Variants in GCG observed in about 807,000 individuals in gnomAD.
The protein encoded by GCG is pro-glucagon.
In GCG, 11 loss-of-function variants were observed where a neutral mutation model predicts 22.8. The ratio of observed to expected loss-of-function variants is 0.48; its 90% CI spans 0.30 to 0.80. The LOEUF (loss-of-function observed/expected upper bound fraction) is 0.80, where lower values mean the gene tolerates loss of function less well. Ranked by LOEUF, GCG falls within the 30% of genes least tolerant of loss-of-function variation. The pLI, the probability that GCG is intolerant of heterozygous loss-of-function variation, is 0.06. For synonymous variants in GCG, 89 were observed against 72.4 expected, an observed-to-expected ratio of 1.23 and a Z score of -1.16; for missense variants, 222 against 222.0, an observed-to-expected ratio of 1.00 and a Z score of 0.00.
chr2:162,143,295 C>T lies in GCG; in HGVS notation c.*69G>A. Reference sequence around the variant, plus strand: ...GAATACACCTCTTAAATTTACAGGACTTAACATTTCAAACATCCCACGTGG... The same window carrying T: ...GAATACACCTCTTAAATTTACAGGATTTAACATTTCAAACATCCCACGTGG... On this transcript the variant is annotated 3_prime_UTR_variant, in exon 6 of 6. Transcript: ENST00000418842. The T allele has an allele frequency of 1.2e-6, 1 of 804,574 alleles. No individual in the cohort carries two copies. The highest frequency in any genetic ancestry group is 1.9e-6 in the Non-Finnish European group (1 of 517,578). 49.8% of individuals were successfully genotyped at this position (804,574 alleles called of 1,614,324 possible).
chr2:162,149,353 G>A (rs562543900), intron 1 of GCG, among the ~76,000 whole-genome samples, 166 bp from the exon 2 acceptor site: 2 of 152,144 alleles, frequency 1.3e-5, no homozygotes, highest in African/African-American at 2.4e-5. Flanking sequence ...TTTAAATAGT[G>A]GGTTATATTA....
At chr2:162,147,229 C>T (rs1686710695) in intron 3 of GCG, 124 bp downstream of exon 3, 2 of 769,052 alleles carry the variant, frequency 2.6e-6, no homozygotes. Context: ...CCCTAAACAT[C>T]TTCAAAATGA....
intron 4 of GCG, chr2:162,144,405 C>T (rs2106194563): frequency 4.1e-6 from 2 of 488,744 alleles, no homozygotes; most frequent in East Asian, 3.4e-5. Context: ...ATGCCCTTTT[C>T]AATCTTCTAG....
intron 2 of GCG, 140 bp from the exon 3 acceptor site, chr2:162,147,654 G>T: frequency 1.3e-6 from 1 of 798,348 alleles, no homozygotes; most frequent in Admixed American, 1.7e-5. Context: ...AGTTTAGAAA[G>T]ATCTTCCTTA....
At chr2:162,145,416 A>T in intron 4 of GCG, 124 bp downstream of exon 4, 1 of 823,114 alleles carries the variant, frequency 1.2e-6, no homozygotes, top group South Asian at 2.3e-5. Flanking sequence ...CATCAATAGG[A>T]ATTATTTCCT....
At chr2:162,151,168 G>A (rs186381839) in intron 1 of GCG, among the ~76,000 whole-genome samples, 1 of 151,978 alleles carries the variant, frequency 6.6e-6, no homozygotes, top group Admixed American at 6.6e-5. Context: ...AGTTTTGTAA[G>A]AACTACAAAT....
At chr2:162,150,142 T>C (rs1686796851) in intron 1 of GCG, among the ~76,000 whole-genome samples, 1 of 152,140 alleles carries the variant, frequency 6.6e-6, no homozygotes, top group Non-Finnish European at 1.5e-5. Flanking sequence ...TGGGACAGAA[T>C]GTCCCCACAG....
intron 4 of GCG, chr2:162,145,182 C>T: frequency 6.0e-6 from 1 of 167,638 alleles, no homozygotes; most frequent in Non-Finnish European, 1.3e-5. Flanking sequence ...ACTGTTTCTT[C>T]TTTTTCCTTA....
intron 1 of GCG, among the ~76,000 whole-genome samples, chr2:162,151,762 T>C (rs1686843187): frequency 6.6e-6 from 1 of 152,176 alleles, no homozygotes; most frequent in African/African-American, 2.4e-5. Context: ...AATGGACACA[T>C]TTCTGCTTAC....
chr2:162,149,484 T>G (rs1009304183), intron 1 of GCG, among the ~76,000 whole-genome samples: 1 of 152,142 alleles, frequency 6.6e-6, no homozygotes, highest in Non-Finnish European at 1.5e-5. Flanking sequence ...AGACTGGAAA[T>G]TAAAATGTCC....
rs11552330 is a variant in GCG, at chr2:162,147,451, G to A, written c.156C>T (p.Arg52=). ...SDPDQMNEDK[R]HSQGTFTSDY... is the part of the protein sequence containing the mutation. ...CACTGGTGAATGTGCCCTGTGAATGGCGCTTGTCCTCGTTCATCTGATCAG... is the reference window on the plus strand; with the variant it reads ...CACTGGTGAATGTGCCCTGTGAATGACGCTTGTCCTCGTTCATCTGATCAG... The change falls in exon 3 of 6, where the codon CGC becomes CGT. Residue 52 remains arginine (R), a synonymous_variant. Transcript: ENST00000418842. 1.2e-6 allele frequency: 2 copies of A among 1,613,198 alleles called. No individual in the cohort carries two copies. Among genetic ancestry groups the A allele is most frequent in the East Asian group, 2.2e-5 (1 of 44,868 alleles).
intron 1 of GCG, among the ~76,000 whole-genome samples, 177 bp downstream of exon 1, chr2:162,151,981 A>G (rs374324862): frequency 6.6e-6 from 1 of 152,114 alleles, no homozygotes; most frequent in African/African-American, 2.4e-5. Context: ...CGGCTTCGCT[A>G]TATTAAAGTA....
At position 162,147,417 on chromosome 2, in the gene GCG, T is replaced by TG; in HGVS notation, c.189dup (p.Lys64GlnfsTer24). 1.9e-6 allele frequency: 3 copies of TG among 1,612,856 alleles called. No homozygotes were observed. Among genetic ancestry groups the TG allele is most frequent in the Non-Finnish European group, 2.5e-6 (3 of 1,179,010 alleles). On this transcript the variant is annotated frameshift_variant, in exon 3 of 6. Coordinates refer to ENST00000418842, the MANE Select transcript of GCG (RefSeq NM_002054.5). LOFTEE classifies it high-confidence loss of function. The stretch of plus-strand genomic sequence containing the variant: ...TGGGCACGCCTGGAGTCCAGATACT[T>TG]GCTGTAGTCACTGGTGAATGTGCCC...
chr2:162,147,258 A>G, intron 3 of GCG, 95 bp downstream of exon 3: 1 of 911,148 alleles, frequency 1.1e-6, no homozygotes, highest in Non-Finnish European at 1.7e-6. Flanking sequence ...TATGGGCACT[A>G]TTTGACGAGC....
In GCG at chr2:162,143,021, T is replaced by C. The variant is rs922171542; in HGVS notation, c.*343A>G. The C allele has an allele frequency of 5.4e-6, 1 of 186,726 alleles. No individual in the cohort carries two copies. The highest frequency in any genetic ancestry group is 1.1e-5 in the Non-Finnish European group (1 of 91,270). The allele number at this position is 186,726 out of a possible 1,614,324, so 11.6% of individuals were successfully genotyped here. A position where few individuals can be genotyped will look rare whatever the true frequency, so the allele number is the denominator to read the frequency against. ...TTCTTCTATTCTCCTATTATTATAA[T>C]GCAGATATGTCAGATCGGAATAATT... is the stretch of plus-strand genomic sequence containing the variant. On this transcript the variant is annotated 3_prime_UTR_variant, in exon 6 of 6. Transcript: ENST00000418842.
In GCG at chr2:162,143,246, G is replaced by T; in HGVS notation, c.*118C>A. ...AACACTAAAAGAAAATTTATTTATT[G>T]GCATGCAAAGCAATGTGGCCTCAGA... is the stretch of plus-strand genomic sequence containing the variant. On this transcript the variant is annotated 3_prime_UTR_variant, in exon 6 of 6. Coordinates refer to ENST00000418842, the MANE Select transcript of GCG (RefSeq NM_002054.5). The T allele has an allele frequency of 2.2e-6, 1 of 446,590 alleles. No individual in the cohort carries two copies. Among genetic ancestry groups the T allele is most frequent in the South Asian group, 8.5e-5 (1 of 11,818 alleles). The allele number at this position is 446,590 out of a possible 1,614,324, so 27.7% of individuals were successfully genotyped here.
chr2:162,150,727 T>C (rs1686812689), intron 1 of GCG, among the ~76,000 whole-genome samples: 2 of 152,112 alleles, frequency 1.3e-5, no homozygotes, highest in South Asian at 4.1e-4. Flanking sequence ...TGTTGAAAAG[T>C]TTCTTGTAAA....
intron 3 of GCG, among the ~76,000 whole-genome samples, chr2:162,146,538 TTCTCTCTCTC>T (rs59717414): frequency 0.012 from 1,636 of 133,502 alleles, 13 homozygotes; most frequent in Admixed American, 0.013. Context: ...TGCTTGCTTG[TTCTCTCTCTC>T]TCTCTCTCTC....
At chr2:162,146,214 G>A (rs919829516) in intron 3 of GCG, among the ~76,000 whole-genome samples, 2 of 152,090 alleles carry the variant, frequency 1.3e-5, no homozygotes, top group Admixed American at 6.6e-5. Flanking sequence ...GCAGAGCACC[G>A]TGGAGGTGAG....
Sources: allele counts gnomAD v4.1 joint callset (sites outside exome capture counted in the v4.1 genomes callset), GRCh38; gene constraint gnomAD v4.1.1; transcripts MANE v1.5; gene names NCBI Gene and HGNC (gene_info 2026-07-23, HGNC 2026-07-21).